ANKFY1: variants seen among roughly 807,000 people sequenced by gnomAD.
The protein encoded by ANKFY1 is ankyrin repeat and FYVE domain containing 1, also known as ankyrin repeat and FYVE domain-containing protein 1.
Under a neutral mutation model 128.3 loss-of-function variants are expected in ANKFY1, and 47 were observed. That is an observed-to-expected ratio of 0.37 (90% CI 0.29 to 0.47). The LOEUF is 0.47. Among genes scored for constraint, ANKFY1 ranks in the 20% least tolerant of loss-of-function variants. The probability of loss-of-function intolerance (pLI) is 1.00; values close to 1 mark genes in which losing one functional copy is unlikely to be tolerated. For missense variants in ANKFY1, 1,222 were observed against 1,510.6 expected, an observed-to-expected ratio of 0.81 and a Z score of 3.17; for synonymous variants, 553 against 601.6, an observed-to-expected ratio of 0.92 and a Z score of 1.18.
chr17:4,262,451 G>C (rs990262993), intron 1 of ANKFY1, among the ~76,000 whole-genome samples: 1 of 152,116 alleles, frequency 6.6e-6, no homozygotes, highest in African/African-American at 2.4e-5. Context: ...TTGTAGATAC[G>C]AGGTTTCGCC....
chr17:4,250,511 C>T (rs551882705), intron 1 of ANKFY1, among the ~76,000 whole-genome samples: 1 of 152,042 alleles, frequency 6.6e-6, no homozygotes, highest in African/African-American at 2.4e-5. Flanking sequence ...GAAAGGCAAC[C>T]TAAATAAACA....
intron 15 of ANKFY1, 109 bp downstream of exon 15, chr17:4,182,072 A>G: frequency 8.9e-7 from 1 of 1,128,244 alleles, no homozygotes; most frequent in Non-Finnish European, 1.2e-6. Flanking sequence ...TTGTCCCACT[A>G]TGTTACTTGA....
intron 2 of ANKFY1, among the ~76,000 whole-genome samples, chr17:4,238,128 G>A (rs556223032): frequency 7.6e-6 from 1 of 131,352 alleles, no homozygotes; most frequent in Non-Finnish European, 1.6e-5. Context: ...GGGCAACAGA[G>A]TGAGACTCTG....
At chr17:4,183,681 A>G (rs2059557514) in intron 13 of ANKFY1, 130 bp from the exon 14 acceptor site, 2 of 1,411,460 alleles carry the variant, frequency 1.4e-6, no homozygotes, top group Non-Finnish European at 9.7e-7. Context: ...GCTTAACTCA[A>G]ACAGAAATGT....
At chr17:4,202,899 T>G (rs1207615788) in intron 7 of ANKFY1, among the ~76,000 whole-genome samples, 1 of 151,072 alleles carries the variant, frequency 6.6e-6, no homozygotes, top group East Asian at 1.9e-4. Flanking sequence ...TTAAGTCCTC[T>G]TAGAAGAATT....
intron 3 of ANKFY1, among the ~76,000 whole-genome samples, chr17:4,221,668 C>G (rs1263967716): frequency 6.6e-6 from 1 of 152,128 alleles, no homozygotes; most frequent in Non-Finnish European, 1.5e-5. Context: ...ACCCAGGCTG[C>G]AGTGCAGTGG....
intron 17 of ANKFY1, 75 bp downstream of exon 17, chr17:4,179,646 G>A: frequency 1.9e-6 from 3 of 1,561,158 alleles, no homozygotes; most frequent in Admixed American, 1.8e-5. Context: ...GACTGTGCAA[G>A]GTCCTCTGCC....
Position 4,184,863 on chromosome 17 carries a change from C to T in ANKFY1, c.1654G>A (p.Ala552Thr), listed in dbSNP as rs376997211. 1.7e-5 allele frequency: 27 copies of T among 1,613,778 alleles called. No homozygotes were observed. In the East Asian group the frequency reaches 2.0e-4, roughly 12 times the overall value. Reference protein sequence around the residue: ...HLQTPLHMAIAYNHPDVVSVI... With the variant: ...HLQTPLHMAITYNHPDVVSVI... ...GACACCACATCCGGATGGTTATAGGCGATCGCCATGTGCAGTGGCGTCTGC... is the reference window on the plus strand; with the variant it reads ...GACACCACATCCGGATGGTTATAGGTGATCGCCATGTGCAGTGGCGTCTGC... Residue 552 changes from alanine (A) to threonine (T), a missense_variant, in exon 12 of 25, where the codon GCC becomes ACC. Ala to Thr is a moderately conservative substitution (Grantham distance 58, BLOSUM62 0). Coordinates refer to ENST00000341657, the MANE Select transcript of ANKFY1 (RefSeq NM_001330063.2).
rs866403591 is a variant in ANKFY1 at position 4,178,651 on chromosome 17, C to T, written c.2598+206G>A. The T allele has an allele frequency of 5.0e-6, 3 of 595,314 alleles. No homozygotes were observed. The South Asian group carries it at 6.1e-5, about 12-fold the overall frequency. The allele number at this position is 595,314 out of a possible 1,614,324, so 36.9% of individuals were successfully genotyped here. A position where few individuals can be genotyped will look rare whatever the true frequency, so the allele number is the denominator to read the frequency against. On this transcript the variant is annotated intron_variant, in intron 18 of 24. Transcript: ENST00000341657. This position sits in a 1 kb window ranked among gnomAD's most constrained non-coding sequence, Gnocchi z 4.1. ...CCTCCGCTTCCATCGAAGCCGGGCA[C>T]TGTCAGGCGCTGACACACAGGCAGA... is the stretch of plus-strand genomic sequence containing the variant.
chr17:4,239,958 C>A (rs905248120), intron 2 of ANKFY1, among the ~76,000 whole-genome samples: 1 of 152,152 alleles, frequency 6.6e-6, no homozygotes, highest in Non-Finnish European at 1.5e-5. Context: ...ACATCCAGCA[C>A]CCCAATTCAG....
intron 1 of ANKFY1, among the ~76,000 whole-genome samples, chr17:4,258,716 T>C (rs1968256272): frequency 6.6e-6 from 1 of 152,176 alleles, no homozygotes; most frequent in South Asian, 2.1e-4. Flanking sequence ...GGAATAGGAC[T>C]AGTACAACTG....
At chr17:4,222,859 C>A (rs984010355) in intron 3 of ANKFY1, 1 of 958,316 alleles carries the variant, frequency 1.0e-6, no homozygotes, top group South Asian at 1.3e-5. Context: ...TCCACCCAGA[C>A]GACTCAGTAT....
intron 19 of ANKFY1, among the ~76,000 whole-genome samples, chr17:4,176,595 T>C (rs1350951989): frequency 6.6e-6 from 1 of 152,180 alleles, no homozygotes; most frequent in Non-Finnish European, 1.5e-5. Context: ...ACACACCACA[T>C]GCACTTCCCA....
chr17:4,176,668 A>G (rs1345541923), intron 19 of ANKFY1, among the ~76,000 whole-genome samples: 2 of 152,240 alleles, frequency 1.3e-5, no homozygotes, highest in African/African-American at 4.8e-5. Flanking sequence ...TTGGAGTCCA[A>G]TGGAAAAGGC....
At chr17:4,173,528 T>G in intron 20 of ANKFY1, 84 bp from the exon 21 acceptor site, 4 of 1,297,174 alleles carry the variant, frequency 3.1e-6, no homozygotes, top group Non-Finnish European at 4.4e-6. Flanking sequence ...CAGACCTCTC[T>G]GTAAATGGGA....
At chr17:4,205,224 A>G (rs989026580) in intron 7 of ANKFY1, among the ~76,000 whole-genome samples, 3 of 152,208 alleles carry the variant, frequency 2.0e-5, no homozygotes, top group African/African-American at 7.2e-5. Flanking sequence ...ATGCACTTCA[A>G]TCAAGTCAAC....
At chr17:4,230,438 T>C (rs1215694253) in intron 3 of ANKFY1, among the ~76,000 whole-genome samples, 1 of 152,222 alleles carries the variant, frequency 6.6e-6, no homozygotes, top group African/African-American at 2.4e-5. Flanking sequence ...TCTCATCGTG[T>C]CAGCTGCTAC....
chr17:4,242,568 T>G, intron 1 of ANKFY1, 120 bp from the exon 2 acceptor site: 1 of 844,960 alleles, frequency 1.2e-6, no homozygotes, highest in African/African-American at 1.8e-5. Flanking sequence ...ACCGTTCCAC[T>G]CTTTCTTAGT....
chr17:4,246,038 G>A (rs540749389), intron 1 of ANKFY1, among the ~76,000 whole-genome samples: 1 of 151,962 alleles, frequency 6.6e-6, no homozygotes, highest in East Asian at 1.9e-4. Flanking sequence ...AGGACAGTCC[G>A]TCTCAAAAAA....
Sources: gnomAD v4.1 joint callset for allele counts (sites outside exome capture counted in the v4.1 genomes callset) on GRCh38, gnomAD v4.1.1 for gene constraint, Gnocchi (gnomAD v3.1) non-coding constraint, MANE v1.5 for transcripts, NCBI Gene and HGNC (gene_info 2026-07-23, HGNC 2026-07-21) for gene names.